Variants in EPHA6 observed in about 807,000 individuals in gnomAD.
The protein encoded by EPHA6 is EPH receptor A6.
Under a neutral mutation model 112.0 loss-of-function variants are expected in EPHA6, and 50 were observed. The observed-to-expected ratio is 0.45, with a 90% CI of 0.36 to 0.56. The LOEUF (loss-of-function observed/expected upper bound fraction) is 0.56. EPHA6 is among the 20% of genes least tolerant of loss of function. EPHA6 has a pLI of 0.00. For synonymous variants in EPHA6, 529 were observed against 490.7 expected (o/e 1.08, Z -1.03); for missense variants, 1,280 against 1,417.4 (o/e 0.90, Z 1.56).
At chr3:97,245,186 GAC>G in intron 5 of EPHA6, among the ~76,000 whole-genome samples, 1 of 152,046 alleles carries the variant, frequency 6.6e-6, no homozygotes, top group Non-Finnish European at 1.5e-5. Context: ...TTAAGCAACA[GAC>G]AATTTATTTT....
chr3:97,514,767 T>A (rs2092421264), intron 10 of EPHA6, among the ~76,000 whole-genome samples: 1 of 152,040 alleles, frequency 6.6e-6, no homozygotes, highest in African/African-American at 2.4e-5. Flanking sequence ...GAGAGATCCC[T>A]CTCTCTCCAC....
chr3:97,705,206 C>G (rs2033611614), intron 14 of EPHA6, among the ~76,000 whole-genome samples: 1 of 152,066 alleles, frequency 6.6e-6, no homozygotes, highest in Non-Finnish European at 1.5e-5. Context: ...CTCAACTTCT[C>G]TCAGTATCTC....
chr3:97,139,593 T>C (rs1453424477), intron 3 of EPHA6, among the ~76,000 whole-genome samples: 2 of 152,130 alleles, frequency 1.3e-5, no homozygotes, highest in African/African-American at 4.8e-5. Flanking sequence ...AAGGAATTCA[T>C]ACAGAGACTT....
chr3:96,992,359 C>A (rs975833727), intron 3 of EPHA6, among the ~76,000 whole-genome samples: 1 of 152,134 alleles, frequency 6.6e-6, no homozygotes, highest in Non-Finnish European at 1.5e-5. Context: ...CTTTTTGTTA[C>A]GGCAACACCC....
chr3:97,307,535 CAG>C (rs2081369803), intron 5 of EPHA6, among the ~76,000 whole-genome samples: 1 of 151,388 alleles, frequency 6.6e-6, no homozygotes. Context: ...TGAGCTCTGA[CAG>C]AACTGAGATA....
chr3:97,521,198 CT>C lies in EPHA6; in HGVS notation c.2201-11149del, dbSNP rs137956926. On this transcript the variant is annotated intron_variant, in intron 10 of 17. Transcript: ENST00000389672. ...TATTTTTCTCTGATTTTATAAATTT[CT>C]TTTTTTTTTTGGAATTTGTTGCTAG... Among the ~76,000 whole-genome samples the C allele has an allele frequency of 7.3e-3, 1,018 of 139,974 alleles. 10 individuals are homozygous for C. Among genetic ancestry groups the C allele is most frequent in the African/African-American group, 0.022 (842 of 38,298 alleles). 91.8% of individuals were successfully genotyped at this position (139,974 alleles called of 152,430 possible).
chr3:97,237,879 T>A (rs1332203183), intron 4 of EPHA6, among the ~76,000 whole-genome samples: 2 of 151,986 alleles, frequency 1.3e-5, no homozygotes, highest in African/African-American at 4.8e-5. Flanking sequence ...ACTCAAAAAA[T>A]CTAAGGCCAG....
chr3:97,300,032 G>T (rs922835039), intron 5 of EPHA6, among the ~76,000 whole-genome samples: 1 of 152,118 alleles, frequency 6.6e-6, no homozygotes, highest in African/African-American at 2.4e-5. Flanking sequence ...TACTCTGAAT[G>T]TTCAAAGGAA....
chr3:97,397,770 C>G (rs556802621), intron 5 of EPHA6, among the ~76,000 whole-genome samples: 2 of 151,434 alleles, frequency 1.3e-5, no homozygotes, highest in Admixed American at 1.3e-4. Flanking sequence ...ATTAAGTATA[C>G]AGAATGGAGT....
chr3:97,374,894 T>C (rs1280673856), intron 5 of EPHA6, among the ~76,000 whole-genome samples: 5 of 152,212 alleles, frequency 3.3e-5, no homozygotes, highest in African/African-American at 1.2e-4. Flanking sequence ...TAATGATATA[T>C]ACAATTTCTG....
intron 3 of EPHA6, among the ~76,000 whole-genome samples, chr3:97,084,101 G>GAT (rs141072928): frequency 0.019 from 1,958 of 103,496 alleles, 35 homozygotes; most frequent in South Asian, 0.033. Context: ...TGTGTGCATG[G>GAT]ATATATATAT....
At chr3:97,593,757 C>G (rs568696612) in intron 12 of EPHA6, among the ~76,000 whole-genome samples, 1 of 152,272 alleles carries the variant, frequency 6.6e-6, no homozygotes, top group East Asian at 1.9e-4. Context: ...CTCTTTTCTA[C>G]TTAATTGAAA....
intron 3 of EPHA6, among the ~76,000 whole-genome samples, chr3:97,077,555 C>G (rs2046570840): frequency 6.6e-6 from 1 of 151,896 alleles, no homozygotes; most frequent in Non-Finnish European, 1.5e-5. Context: ...ATCCCCCTCC[C>G]CTGACAGGCC....
chr3:97,738,362 G>A (rs2035363178), intron 16 of EPHA6, among the ~76,000 whole-genome samples: 1 of 152,008 alleles, frequency 6.6e-6, no homozygotes, highest in Non-Finnish European at 1.5e-5. Flanking sequence ...GCCCCTTGTT[G>A]TGGTATAGAG....
intron 10 of EPHA6, among the ~76,000 whole-genome samples, chr3:97,498,786 G>A (rs571670467): frequency 3.9e-5 from 6 of 152,096 alleles, no homozygotes; most frequent in Admixed American, 6.6e-5. Flanking sequence ...CCTAGGTTGC[G>A]TGCTCCTTAT....
chr3:97,747,205 CAAA>C (rs1360573382), intron 16 of EPHA6, among the ~76,000 whole-genome samples: 1 of 151,722 alleles, frequency 6.6e-6, no homozygotes, highest in Non-Finnish European at 1.5e-5. Flanking sequence ...GCAAAAAACA[CAAA>C]AAGACAAAAG....
At chr3:97,359,950 G>A (rs1162742442) in intron 5 of EPHA6, among the ~76,000 whole-genome samples, 5 of 151,730 alleles carry the variant, frequency 3.3e-5, no homozygotes, top group South Asian at 4.2e-4. Context: ...TTTCATGTAC[G>A]GCTCCCAAAG....
chr3:97,356,115 G>C (rs2084062632), intron 5 of EPHA6, among the ~76,000 whole-genome samples: 1 of 152,162 alleles, frequency 6.6e-6, no homozygotes, highest in South Asian at 2.1e-4. Context: ...TGTCAGATCA[G>C]TGGTAGAATC....
At chr3:97,233,479 G>A (rs1178410889) in intron 4 of EPHA6, among the ~76,000 whole-genome samples, 3 of 152,004 alleles carry the variant, frequency 2.0e-5, no homozygotes, top group African/African-American at 7.3e-5. Flanking sequence ...AACTTTTGGG[G>A]CCAGGAATCG....
Sources: allele counts gnomAD v4.1 joint callset (sites outside exome capture counted in the v4.1 genomes callset), GRCh38; gene constraint gnomAD v4.1.1; transcripts MANE v1.5; gene names NCBI Gene and HGNC (gene_info 2026-07-23, HGNC 2026-07-21).